The following TRHDE variants were observed in gnomAD, a reference collection of about 807,000 sequenced individuals.
TRHDE encodes thyrotropin-releasing hormone-degrading ectoenzyme.
Under a neutral mutation model 125.7 loss-of-function variants are expected in TRHDE, and 72 were observed. The observed-to-expected ratio is 0.57, with a 90% CI of 0.47 to 0.70. The LOEUF (loss-of-function observed/expected upper bound fraction) is 0.70, where lower values mean the gene tolerates loss of function less well. Among genes scored for constraint, TRHDE ranks in the 30% least tolerant of loss-of-function variants. The pLI, the probability that TRHDE is intolerant of heterozygous loss-of-function variation, is 0.00. For synonymous variants in TRHDE, 509 were observed against 509.1 expected (o/e 1.00, Z 0.00); for missense variants, 1,110 against 1,327.1 (o/e 0.84, Z 2.54).
At chr12:72,448,889 C>T (rs1225953027) in intron 3 of TRHDE, among the ~76,000 whole-genome samples, 1 of 151,534 alleles carries the variant, frequency 6.6e-6, no homozygotes, top group Non-Finnish European at 1.5e-5. Context: ...GCTAACTCTG[C>T]AAAAATAATA....
intron 12 of TRHDE, among the ~76,000 whole-genome samples, chr12:72,592,826 T>C (rs1871747603): frequency 6.6e-6 from 1 of 151,968 alleles, no homozygotes; most frequent in Non-Finnish European, 1.5e-5. Context: ...TTCTCCTGCC[T>C]CAGCATCCCG....
chr12:72,107,368 T>C (rs1413190490), intron 2 of TRHDE, among the ~76,000 whole-genome samples: 1 of 152,080 alleles, frequency 6.6e-6, no homozygotes. Flanking sequence ...TTGGTACCAA[T>C]GGGGTTTATT....
chr12:72,504,429 G>A (rs903060186), intron 6 of TRHDE, among the ~76,000 whole-genome samples: 1 of 151,510 alleles, frequency 6.6e-6, no homozygotes, highest in Non-Finnish European at 1.5e-5. Context: ...TCAGCCTCCT[G>A]AGCAGCTGGG....
At chr12:72,299,371 G>A (rs1332150637) in intron 2 of TRHDE, among the ~76,000 whole-genome samples, 2 of 152,182 alleles carry the variant, frequency 1.3e-5, no homozygotes, top group Non-Finnish European at 2.9e-5. Flanking sequence ...GCAAGATTAA[G>A]ACTTGCTGGG....
At chr12:72,331,918 A>G (rs1208749315) in intron 2 of TRHDE, among the ~76,000 whole-genome samples, 1 of 152,202 alleles carries the variant, frequency 6.6e-6, no homozygotes, top group African/African-American at 2.4e-5. Flanking sequence ...GTGCCAAGCT[A>G]TTCTTGAGTT....
At chr12:72,519,181 G>A (rs1201813033) in intron 6 of TRHDE, among the ~76,000 whole-genome samples, 1 of 152,092 alleles carries the variant, frequency 6.6e-6, no homozygotes, top group African/African-American at 2.4e-5. Flanking sequence ...TCCTGAATCT[G>A]AATGTTGGCC....
chr12:72,135,038 A>G (rs1488030309), intron 2 of TRHDE, among the ~76,000 whole-genome samples: 1 of 152,184 alleles, frequency 6.6e-6, no homozygotes, highest in Admixed American at 6.5e-5. Flanking sequence ...CTATTAAAAA[A>G]AAAAGAAAAA....
intron 2 of TRHDE, among the ~76,000 whole-genome samples, chr12:72,260,071 C>T (rs983906287): frequency 2.3e-4 from 35 of 152,050 alleles, no homozygotes; most frequent in Non-Finnish European, 4.0e-4. Context: ...TATATATGCA[C>T]GTTGCTGTAT....
chr12:72,373,865 A>T (rs773490120), intron 2 of TRHDE, among the ~76,000 whole-genome samples: 1 of 152,170 alleles, frequency 6.6e-6, no homozygotes, highest in Non-Finnish European at 1.5e-5. Flanking sequence ...AAGGGATTAG[A>T]TTAGTATAGG....
At chr12:72,447,764 A>G (rs949112452) in intron 3 of TRHDE, among the ~76,000 whole-genome samples, 3 of 152,034 alleles carry the variant, frequency 2.0e-5, no homozygotes, top group African/African-American at 7.2e-5. Flanking sequence ...CTGCACTCCT[A>G]GAGCCTCAGA....
Position 72,512,109 on chromosome 12 carries a change from C to T in TRHDE, c.1722+12474C>T, listed in dbSNP as rs1031539113. Among the ~76,000 whole-genome samples the T allele has an allele frequency of 3.9e-5, 6 of 151,954 alleles. No individual in the cohort carries two copies. In the East Asian group the frequency reaches 5.8e-4, roughly 15 times the overall value. Reference sequence around the variant, plus strand: ...TTGACTCTATTCTTCTGCTTTCTTACGCTGGCTTTGTGAGAGCCAAAGTGG... The same window carrying T: ...TTGACTCTATTCTTCTGCTTTCTTATGCTGGCTTTGTGAGAGCCAAAGTGG... On this transcript the variant is annotated intron_variant, in intron 6 of 18. Transcript: ENST00000261180.
chr12:72,390,002 CTG>C (rs1358859113), intron 3 of TRHDE, among the ~76,000 whole-genome samples: 2 of 152,062 alleles, frequency 1.3e-5, no homozygotes, highest in Non-Finnish European at 2.9e-5. Flanking sequence ...ACAGGATTTG[CTG>C]TGTTATAATA....
intron 17 of TRHDE, among the ~76,000 whole-genome samples, chr12:72,655,589 T>A (rs2136112521): frequency 6.6e-6 from 1 of 152,310 alleles, no homozygotes; most frequent in Middle Eastern, 3.4e-3. Context: ...TGTGTATAAT[T>A]TTATCACCAC....
chr12:72,570,206 TC>T (rs989295577), intron 10 of TRHDE, among the ~76,000 whole-genome samples: 30 of 152,340 alleles, frequency 2.0e-4, no homozygotes, highest in Admixed American at 1.8e-3. Flanking sequence ...TGGATACCTT[TC>T]CGGGTCCATT....
At chr12:72,657,855 C>T (rs907304660) in intron 18 of TRHDE, among the ~76,000 whole-genome samples, 1 of 152,114 alleles carries the variant, frequency 6.6e-6, no homozygotes, top group African/African-American at 2.4e-5. Context: ...TTTTCTTGTG[C>T]TCCTGTTCTC....
chr12:72,474,139 A>G (rs1876779935), intron 5 of TRHDE, among the ~76,000 whole-genome samples: 1 of 152,102 alleles, frequency 6.6e-6, no homozygotes, highest in African/African-American at 2.4e-5. Flanking sequence ...AATGCTGTAC[A>G]TATTTAATGT....
intron 7 of TRHDE, among the ~76,000 whole-genome samples, chr12:72,561,854 G>A (rs947788698): frequency 6.6e-6 from 1 of 152,084 alleles, no homozygotes; most frequent in African/African-American, 2.4e-5. Context: ...TCATTGAAGA[G>A]GTAGTGTTTT....
chr12:72,293,591 A>G lies in TRHDE; in HGVS notation c.1188+6637A>G, dbSNP rs1360905000. 3.9e-5 allele frequency among the ~76,000 whole-genome samples: 6 copies of G among 152,348 alleles called. No individual in the cohort carries two copies. The East Asian group carries it at 1.2e-3, about 29-fold the overall frequency. On this transcript the variant is annotated intron_variant, in intron 2 of 18. Coordinates refer to ENST00000261180, the MANE Select transcript of TRHDE (RefSeq NM_013381.3). ...TCAAGTTTTGCATACTAATGTGAAG[A>G]GCCCAAGAAAGAAAGTGACCATTAT...
At chr12:72,155,622 C>T (rs1004366362) in intron 2 of TRHDE, among the ~76,000 whole-genome samples, 1 of 152,202 alleles carries the variant, frequency 6.6e-6, no homozygotes, top group Non-Finnish European at 1.5e-5. Flanking sequence ...TCAGGACCCT[C>T]AGCTGCAGGT....
Sources: gnomAD v4.1 joint callset for allele counts (sites outside exome capture counted in the v4.1 genomes callset) on GRCh38, gnomAD v4.1.1 for gene constraint, MANE v1.5 for transcripts, NCBI Gene and HGNC (gene_info 2026-07-23, HGNC 2026-07-21) for gene names.